CDH8: variants seen among roughly 807,000 people sequenced by gnomAD.
The protein encoded by CDH8 is cadherin-8.
CDH8 carries 17 observed loss-of-function variants against 68.1 expected under a neutral mutation model. The observed-to-expected ratio is 0.25, with a 90% confidence interval of 0.17 to 0.37. The LOEUF (loss-of-function observed/expected upper bound fraction) is 0.37. Ranked by LOEUF, CDH8 falls within the 10% of genes least tolerant of loss-of-function variation. The pLI, the probability that CDH8 is intolerant of heterozygous loss-of-function variation, is 1.00. For missense variants in CDH8, 763 were observed against 999.3 expected (o/e 0.76, Z 3.19); for synonymous variants, 372 against 365.1 (o/e 1.02, Z -0.21).
intron 10 of CDH8, among the ~76,000 whole-genome samples, chr16:61,695,166 G>T (rs1964302958): frequency 6.6e-6 from 1 of 151,936 alleles, no homozygotes; most frequent in Non-Finnish European, 1.5e-5. Flanking sequence ...TCCGAGAGGG[G>T]AAACCATTTC....
intron 4 of CDH8, among the ~76,000 whole-genome samples, chr16:61,844,171 C>T (rs886572838): frequency 6.7e-6 from 1 of 150,032 alleles, no homozygotes; most frequent in African/African-American, 2.5e-5. Flanking sequence ...CAAACTATCG[C>T]AAGGACAAAA....
intron 8 of CDH8, among the ~76,000 whole-genome samples, chr16:61,760,016 C>A (rs890987538): frequency 6.6e-6 from 1 of 151,874 alleles, no homozygotes; most frequent in African/African-American, 2.4e-5. Flanking sequence ...AACACAGATA[C>A]CAACACACCC....
At chr16:61,959,968 GTA>G (rs112306937) in intron 2 of CDH8, among the ~76,000 whole-genome samples, 16,071 of 69,166 alleles carry the variant, frequency 0.23, 2,625 homozygotes, top group African/African-American at 0.49. Flanking sequence ...TGTATGTGGT[GTA>G]TGTGTGTGTG....
chr16:61,948,064 A>G (rs963143168), intron 2 of CDH8, among the ~76,000 whole-genome samples: 2 of 152,178 alleles, frequency 1.3e-5, no homozygotes, highest in Non-Finnish European at 2.9e-5. Context: ...TGGCACAATA[A>G]TGAGAAAACC....
chr16:61,688,770 C>T (rs1964155761), intron 10 of CDH8, among the ~76,000 whole-genome samples: 3 of 151,966 alleles, frequency 2.0e-5, no homozygotes, highest in East Asian at 1.9e-4. Context: ...AGTGATTTCC[C>T]TCTTTCTGCC....
chr16:61,697,935 T>C (rs1964358595), intron 10 of CDH8, among the ~76,000 whole-genome samples: 3 of 152,218 alleles, frequency 2.0e-5, no homozygotes, highest in Non-Finnish European at 2.9e-5. Flanking sequence ...GGCAGCTGGA[T>C]CTGGTTATTA....
intron 3 of CDH8, among the ~76,000 whole-genome samples, chr16:61,866,148 C>T (rs1004071058): frequency 4.6e-5 from 7 of 151,860 alleles, no homozygotes; most frequent in Middle Eastern, 3.4e-3. Context: ...CACTTGAGCC[C>T]GGGAAGTTGA....
intron 2 of CDH8, among the ~76,000 whole-genome samples, chr16:61,929,730 AAT>A (rs1037670737): frequency 5.9e-5 from 9 of 151,874 alleles, no homozygotes; most frequent in African/African-American, 2.2e-4. Flanking sequence ...CCACAAAAAA[AAT>A]TAAAAATTTT....
intron 2 of CDH8, among the ~76,000 whole-genome samples, chr16:61,969,767 G>C (rs1044707837): frequency 1.3e-5 from 2 of 152,112 alleles, no homozygotes; most frequent in Non-Finnish European, 2.9e-5. Flanking sequence ...TCCAGTGTAT[G>C]GAAGTAGTTC....
At chr16:61,837,175 T>C (rs747697353) in intron 4 of CDH8, among the ~76,000 whole-genome samples, 5 of 152,002 alleles carry the variant, frequency 3.3e-5, no homozygotes, top group Non-Finnish European at 7.4e-5. Flanking sequence ...TCTCAGACAA[T>C]GCTGCTGCAG....
intron 8 of CDH8, among the ~76,000 whole-genome samples, chr16:61,776,970 T>C (rs1960917943): frequency 6.6e-6 from 1 of 151,972 alleles, no homozygotes; most frequent in African/African-American, 2.4e-5. Context: ...TTAAACACAT[T>C]ACCAATTTTA....
intron 2 of CDH8, among the ~76,000 whole-genome samples, chr16:61,959,523 C>CT (rs1965043958): frequency 7.5e-5 from 10 of 133,600 alleles, no homozygotes; most frequent in South Asian, 2.7e-4. Context: ...CCTTATCCTC[C>CT]CTCTCTCTCT....
chr16:61,744,633 T>C (rs1480256954), intron 8 of CDH8, among the ~76,000 whole-genome samples: 1 of 151,666 alleles, frequency 6.6e-6, no homozygotes, highest in East Asian at 1.9e-4. Flanking sequence ...AGTTTTCCCC[T>C]TTTCTATGTT....
intron 7 of CDH8, among the ~76,000 whole-genome samples, chr16:61,816,046 A>C (rs918876241): frequency 6.6e-6 from 1 of 151,964 alleles, no homozygotes; most frequent in Non-Finnish European, 1.5e-5. Context: ...TATTTTTTGC[A>C]TATGTCTATA....
intron 7 of CDH8, among the ~76,000 whole-genome samples, chr16:61,798,883 T>A (rs1348083228): frequency 6.6e-6 from 1 of 152,204 alleles, no homozygotes; most frequent in Non-Finnish European, 1.5e-5. Context: ...ATTATTCAAG[T>A]ACAACAAATG....
intron 3 of CDH8, among the ~76,000 whole-genome samples, chr16:61,865,571 G>A (rs560163765): frequency 6.6e-6 from 1 of 152,136 alleles, no homozygotes; most frequent in Non-Finnish European, 1.5e-5. Flanking sequence ...TGCTAGCATG[G>A]TAGCCTACCC....
Position 62,036,166 on chromosome 16 carries a change from AGCGCCGACCGGTCCTCGCTCGCTAGGCAG to A in CDH8, c.-315_-287del, listed in dbSNP as rs1370017731. On this transcript the variant is annotated 5_prime_UTR_variant, in exon 1 of 12. It introduces an in-frame stop codon into an upstream open reading frame of the 5' UTR. Transcript: ENST00000577390. ...TCGGGGTTAGCTCCCGAGGGCGGCA[AGCGCCGACCGGTCCTCGCTCGCTAGGCAG>A]GCGCCTCCGGATTCCGTTCATGCCT... 6.6e-6 allele frequency: 1 copy of A among 152,236 alleles called. No individual in the cohort carries two copies. The highest frequency in any genetic ancestry group is 2.4e-5 in the African/African-American group (1 of 41,468). The allele number at this position is 152,236 out of a possible 1,614,324, so 9.4% of individuals were successfully genotyped here. A position where few individuals can be genotyped will look rare whatever the true frequency, so the allele number is the denominator to read the frequency against.
intron 2 of CDH8, among the ~76,000 whole-genome samples, chr16:61,922,652 A>T (rs2143417805): frequency 6.6e-6 from 1 of 152,242 alleles, no homozygotes; most frequent in South Asian, 2.1e-4. Flanking sequence ...AATTTTCATA[A>T]CCATTCCCAC....
At chr16:61,898,911 AT>A (rs5817323) in intron 3 of CDH8, among the ~76,000 whole-genome samples, 77,318 of 150,972 alleles carry the variant, frequency 0.51, 21,225 homozygotes, top group African/African-American at 0.73. Flanking sequence ...AATTAGTTTG[AT>A]TTTTTTTTTC....
Sources: allele counts gnomAD v4.1 joint callset (sites outside exome capture counted in the v4.1 genomes callset), GRCh38; gene constraint gnomAD v4.1.1; transcripts MANE v1.5; gene names NCBI Gene and HGNC (gene_info 2026-07-23, HGNC 2026-07-21).